CDH13: variants seen among roughly 807,000 people sequenced by gnomAD.
CDH13 encodes cadherin-13.
Under a neutral mutation model 63.8 loss-of-function variants are expected in CDH13, and 24 were observed. The ratio of observed to expected loss-of-function variants is 0.38; its 90% CI spans 0.27 to 0.53. CDH13 has a LOEUF of 0.53. Among genes scored for constraint, CDH13 ranks in the 20% least tolerant of loss-of-function variants. CDH13 has a pLI of 0.85. For synonymous variants in CDH13, 503 were observed against 355.3 expected, an observed-to-expected ratio of 1.42 and a Z score of -4.67; for missense variants, 1,049 against 903.1, an observed-to-expected ratio of 1.16 and a Z score of -2.07.
intron 1 of CDH13, among the ~76,000 whole-genome samples, chr16:82,740,756 G>T (rs1045808395): frequency 6.6e-6 from 1 of 152,162 alleles, no homozygotes; most frequent in Non-Finnish European, 1.5e-5. Context: ...GGTAGGAACT[G>T]GTGCTCAGTC....
chr16:83,341,753 A>G (rs2090727520), intron 5 of CDH13, among the ~76,000 whole-genome samples: 1 of 152,118 alleles, frequency 6.6e-6, no homozygotes, highest in Non-Finnish European at 1.5e-5. Context: ...AGTTGAGCAG[A>G]GTCCTAATTC....
At chr16:82,938,075 A>C (rs1342215688) in intron 2 of CDH13, among the ~76,000 whole-genome samples, 1 of 152,252 alleles carries the variant, frequency 6.6e-6, no homozygotes, top group Non-Finnish European at 1.5e-5. Context: ...CAGCGGTAGC[A>C]ACAACACGCC....
chr16:83,010,426 G>A (rs1914033067), intron 2 of CDH13, among the ~76,000 whole-genome samples: 1 of 151,948 alleles, frequency 6.6e-6, no homozygotes, highest in South Asian at 2.1e-4. Flanking sequence ...GGTTTTTTTG[G>A]CCCCTTTGCT....
At chr16:82,690,192 T>C (rs1915508159) in intron 1 of CDH13, among the ~76,000 whole-genome samples, 3 of 144,228 alleles carry the variant, frequency 2.1e-5, no homozygotes, top group South Asian at 2.3e-4. Context: ...AAAAATCTTC[T>C]CATGACCCCG....
intron 7 of CDH13, among the ~76,000 whole-genome samples, chr16:83,501,858 C>T (rs141821405): frequency 1.3e-5 from 2 of 152,358 alleles, no homozygotes; most frequent in Non-Finnish European, 1.5e-5. Flanking sequence ...GTATTCATTG[C>T]TCCTGGACTT....
chr16:83,241,602 A>T (rs1459920144), intron 5 of CDH13, among the ~76,000 whole-genome samples: 4 of 152,250 alleles, frequency 2.6e-5, no homozygotes, highest in African/African-American at 7.2e-5. Context: ...GCATTTTTTC[A>T]TATGCTCATT....
At chr16:83,059,809 T>G (rs992090178) in intron 3 of CDH13, among the ~76,000 whole-genome samples, 7 of 149,026 alleles carry the variant, frequency 4.7e-5, no homozygotes, top group African/African-American at 1.7e-4. Flanking sequence ...TTTTTTTTTT[T>G]TTTTAGAAGG....
At chr16:82,806,847 A>T (rs1049994447) in intron 1 of CDH13, among the ~76,000 whole-genome samples, 6 of 152,194 alleles carry the variant, frequency 3.9e-5, no homozygotes, top group African/African-American at 1.4e-4. Context: ...AAGAAGGACA[A>T]AACATAACTG....
chr16:83,568,907 C>T (rs1904322643), intron 7 of CDH13, among the ~76,000 whole-genome samples: 1 of 152,094 alleles, frequency 6.6e-6, no homozygotes, highest in South Asian at 2.1e-4. Context: ...TCAGAACTGC[C>T]TCTCTGCTCC....
intron 1 of CDH13, among the ~76,000 whole-genome samples, chr16:82,767,066 A>C (rs746624986): frequency 3.2e-4 from 48 of 152,220 alleles, no homozygotes; most frequent in Non-Finnish European, 3.1e-4. Context: ...TTTCAAAATA[A>C]ATTGTAGATA....
At chr16:82,923,748 C>G (rs2042225019) in intron 2 of CDH13, among the ~76,000 whole-genome samples, 2 of 152,174 alleles carry the variant, frequency 1.3e-5, no homozygotes, top group South Asian at 4.1e-4. Flanking sequence ...GTGCTTCTTT[C>G]CTCTTACTTC....
At chr16:83,313,219 G>C (rs917712485) in intron 5 of CDH13, among the ~76,000 whole-genome samples, 1 of 152,194 alleles carries the variant, frequency 6.6e-6, no homozygotes, top group African/African-American at 2.4e-5. Flanking sequence ...TTAAGGGGGA[G>C]TCTTTGAATT....
intron 3 of CDH13, among the ~76,000 whole-genome samples, chr16:83,094,635 T>G (rs907687552): frequency 7.2e-5 from 11 of 152,180 alleles, no homozygotes; most frequent in African/African-American, 2.7e-4. Flanking sequence ...AACTTCCCAG[T>G]GGCTGAAAGA....
chr16:83,117,713 G>A (rs1291157933), intron 3 of CDH13, among the ~76,000 whole-genome samples: 1 of 151,902 alleles, frequency 6.6e-6, no homozygotes, highest in African/African-American at 2.4e-5. Flanking sequence ...CTATTCTCTC[G>A]CTCCTTCTCA....
rs185122230 is a variant in CDH13 at position 82,920,706 on chromosome 16, C to A, written c.157+62233C>A. Reference sequence around the variant, plus strand: ...TCTTATATTCTCTCTCACACACTCTCTTTTTTCCCCCTCTCTTGGCTTGAT... The same window carrying A: ...TCTTATATTCTCTCTCACACACTCTATTTTTTCCCCCTCTCTTGGCTTGAT... On this transcript the variant is annotated intron_variant, in intron 2 of 13. Coordinates refer to ENST00000567109, the MANE Select transcript of CDH13 (RefSeq NM_001257.5). 1.2e-4 allele frequency among the ~76,000 whole-genome samples: 19 copies of A among 152,288 alleles called. 1 individual carries two copies. In the East Asian group the frequency reaches 3.7e-3, roughly 29 times the overall value.
intron 4 of CDH13, among the ~76,000 whole-genome samples, chr16:83,204,777 G>T (rs892945232): frequency 1.3e-5 from 2 of 152,202 alleles, no homozygotes; most frequent in African/African-American, 4.8e-5. Context: ...GGTTAGGTGG[G>T]AACTGTGTTC....
intron 7 of CDH13, among the ~76,000 whole-genome samples, chr16:83,542,315 G>A (rs766498519): frequency 2.6e-5 from 4 of 152,158 alleles, no homozygotes; most frequent in Admixed American, 6.5e-5. Flanking sequence ...GTAATGTGCA[G>A]CCAGGATTGC....
intron 6 of CDH13, among the ~76,000 whole-genome samples, chr16:83,412,750 A>G (rs888111352): frequency 6.6e-6 from 1 of 152,220 alleles, no homozygotes; most frequent in Non-Finnish European, 1.5e-5. Flanking sequence ...AGCCCCCTTA[A>G]GACCCAGTGA....
At chr16:82,704,540 A>T (rs2150996421) in intron 1 of CDH13, among the ~76,000 whole-genome samples, 1 of 152,330 alleles carries the variant, frequency 6.6e-6, no homozygotes, top group Non-Finnish European at 1.5e-5. Flanking sequence ...GCAAATCAAT[A>T]ACCACAGTGC....
Sources: allele counts gnomAD v4.1 joint callset (sites outside exome capture counted in the v4.1 genomes callset), GRCh38; gene constraint gnomAD v4.1.1; transcripts MANE v1.5; gene names NCBI Gene and HGNC (gene_info 2026-07-23, HGNC 2026-07-21).